Variants in PLEC observed in about 807,000 individuals in gnomAD.
PLEC encodes the protein hemidesmosomal protein 1.
In PLEC, 216 loss-of-function variants were observed where a neutral mutation model predicts 392.8. That is an observed-to-expected ratio of 0.55 (90% CI 0.49 to 0.62). The LOEUF (loss-of-function observed/expected upper bound fraction) is 0.62, where lower values mean the gene tolerates loss of function less well. Ranked by LOEUF, PLEC falls within the 20% of genes least tolerant of loss-of-function variation. PLEC has a pLI of 0.00. For synonymous variants in PLEC, 3,621 were observed against 2,980.6 expected (o/e 1.21, Z -7.00); for missense variants, 6,863 against 6,563.4 (o/e 1.05, Z -1.58).
rs782249405 is a variant in PLEC, at chr8:143,932,543, G to A, written c.1834C>T (p.Leu612Phe). Residue 612 changes from leucine (L) to phenylalanine (F), a missense_variant, in exon 16 of 32, where the codon CTC becomes TTC. By Grantham distance (22) the Leu-to-Phe change is conservative (BLOSUM62 0). Transcript: ENST00000345136. ...AKLLNSSKAR[L>F]RSLESLHSFV... ...CTGTGCAAGCTCTCCAGGGACCTGA[G>A]GCGGGCCTTGGAGGAGTTCTGTGGG... 1.8e-5 allele frequency: 29 copies of A among 1,612,456 alleles called. No individual in the cohort carries two copies. The highest frequency in any genetic ancestry group is 2.2e-5 in the Non-Finnish European group (26 of 1,179,946).
At chr8:143,937,550 C>T (rs374185732) in intron 3 of PLEC, 51 of 502,442 alleles carry the variant, frequency 1.0e-4, no homozygotes, top group South Asian at 5.3e-4. Context: ...TCCTGCCTGG[C>T]GGTGGCAGCC....
chr8:143,927,154 A>G, intron 28 of PLEC, 73 bp from the exon 29 acceptor site: 1 of 1,551,632 alleles, frequency 6.4e-7, no homozygotes, highest in Non-Finnish European at 8.9e-7. Flanking sequence ...AAACCCTCAC[A>G]TGGGCTTTCC....
upstream of PLEC, among the ~76,000 whole-genome samples, chr8:143,941,750 C>T (rs1028922413): frequency 4.9e-5 from 7 of 141,848 alleles, no homozygotes; most frequent in African/African-American, 1.3e-4. Context: ...AGCCAGGCTA[C>T]ACCCACCCTC....
chr8:143,918,927 T>C lies in PLEC; in HGVS notation c.10894A>G (p.Ile3632Val). Residue 3632 changes from isoleucine to valine, a missense_variant, in exon 32 of 32, where the codon ATC (isoleucine) becomes GTC (valine). Coordinates refer to ENST00000345136, the MANE Select transcript of PLEC (RefSeq NM_201384.3). ...TAGGAGGCCAGACCCTGCTGGCGGA[T>C]GATCTCTGTCTTCTCAATGATCTCG... ...IIEIIEKTEI[I>V]RQQGLASYDY... 2 of 1,610,968 alleles carry C rather than the reference T, an allele frequency of 1.2e-6. No individual in the cohort carries two copies. Among genetic ancestry groups the C allele is most frequent in the Non-Finnish European group, 1.7e-6 (2 of 1,180,010 alleles).
chr8:143,942,140 G>T (rs1251054250), upstream of PLEC, among the ~76,000 whole-genome samples: 1 of 151,706 alleles, frequency 6.6e-6, no homozygotes, highest in Non-Finnish European at 1.5e-5. Context: ...TGGAACAGCC[G>T]GGGGTGGGCC....
Position 143,921,182 on chromosome 8 carries a change from C to A in PLEC, c.8639G>T (p.Cys2880Phe), listed in dbSNP as rs782789906. The change falls in exon 32 of 32, where the codon TGC becomes TTC. Residue 2880 changes from cysteine to phenylalanine, a missense_variant. Cys to Phe is a radical substitution (Grantham distance 205, BLOSUM62 -2). Coordinates refer to ENST00000345136, the MANE Select transcript of PLEC (RefSeq NM_201384.3). Reference protein sequence around the residue: ...RCVEDPETGLCLLPLTDKAAK... With the variant: ...RCVEDPETGLFLLPLTDKAAK... ...AGCCTTATCCGTGAGTGGCAGAAGGCACAGGCCCGTCTCGGGGTCCTCCAC... is the reference window on the plus strand; with the variant it reads ...AGCCTTATCCGTGAGTGGCAGAAGGAACAGGCCCGTCTCGGGGTCCTCCAC... 6.2e-7 allele frequency: 1 copy of A among 1,613,956 alleles called. No individual in the cohort carries two copies.
chr8:143,957,130 G>A (rs999053057), upstream of PLEC, among the ~76,000 whole-genome samples: 2 of 152,180 alleles, frequency 1.3e-5, no homozygotes, highest in African/African-American at 4.8e-5. Flanking sequence ...GTCCCAGGCT[G>A]GCAGCGAAGG....
intron 1 of PLEC, among the ~76,000 whole-genome samples, chr8:143,946,886 T>G (rs1554732612): frequency 6.6e-6 from 1 of 151,578 alleles, no homozygotes; most frequent in Non-Finnish European, 1.5e-5. Context: ...CCAAAGGTGG[T>G]CTCTTCCTCC....
At position 143,926,799 on chromosome 8, in the gene PLEC, G is replaced by T. The variant is rs367868502; in HGVS notation, c.4029C>A (p.Arg1343=). ...YIKFISETLR[R]MEEEERLAEQ... ...CGGGCTGTACCTCCTCCTCCTCCAT[G>T]CGCCGCAGAGTCTCGCTGATGAACT... The change falls in exon 30 of 32, where the codon CGC becomes CGA. Residue 1343 remains arginine (R), a synonymous_variant. Coordinates refer to ENST00000345136, the MANE Select transcript of PLEC (RefSeq NM_201384.3). 5.6e-6 allele frequency: 9 copies of T among 1,613,486 alleles called. No individual in the cohort carries two copies. Among genetic ancestry groups the T allele is most frequent in the Middle Eastern group, 3.3e-4 (2 of 6,080 alleles).
upstream of PLEC, among the ~76,000 whole-genome samples, chr8:143,974,562 C>T (rs376576778): frequency 6.6e-6 from 1 of 152,358 alleles, no homozygotes; most frequent in East Asian, 1.9e-4. The surrounding 1 kb of genome is among the most constrained non-coding windows in gnomAD (Gnocchi z 5.9). Context: ...GGCCTTGCAG[C>T]CCTCTCCTGG....
chr8:143,936,751 C>T (rs1554723653), intron 5 of PLEC, among the ~76,000 whole-genome samples: 1 of 152,206 alleles, frequency 6.6e-6, no homozygotes, highest in East Asian at 1.9e-4. Flanking sequence ...CAGCCAGGGC[C>T]AGAGGGCACG....
rs201624086 is a variant in PLEC, at chr8:143,924,134, G to A, written c.5795C>T (p.Ala1932Val). 47 of 1,598,740 alleles carry A rather than the reference G, an allele frequency of 2.9e-5. No individual in the cohort carries two copies. The highest frequency in any genetic ancestry group is 8.9e-5 in the East Asian group (4 of 44,792). Reference sequence around the variant, plus strand: ...GCCAGCGGCCGCCTTCTCGAAGCTCGCCTTCAGCGCCAGGATCTCCTCCTC... The same window carrying A: ...GCCAGCGGCCGCCTTCTCGAAGCTCACCTTCAGCGCCAGGATCTCCTCCTC... ...QVEEEILALK[A>V]SFEKAAAGKA... The change falls in exon 31 of 32, where the codon GCG becomes GTG. Residue 1932 changes from alanine (A) to valine (V), a missense_variant. Transcript: ENST00000345136.
upstream of PLEC, among the ~76,000 whole-genome samples, chr8:143,975,684 A>T (rs1254952994): frequency 2.0e-5 from 3 of 150,460 alleles, no homozygotes; most frequent in Non-Finnish European, 4.4e-5. The surrounding 1 kb of genome is among the most constrained non-coding windows in gnomAD (Gnocchi z 9.9). Context: ...CAGGACACTG[A>T]CCACCCTGGC....
chr8:143,934,441 G>T lies in PLEC; in HGVS notation c.1046C>A (p.Ala349Glu). 2 of 1,611,092 alleles carry T rather than the reference G, an allele frequency of 1.2e-6. No homozygotes were observed. Among genetic ancestry groups the T allele is most frequent in the African/African-American group, 1.3e-5 (1 of 75,052 alleles). The part of the protein sequence containing the change: ...SKGIYQSLEG[A>E]VQAGQLKVPP... ...CACCTTGAGCTGGCCTGCTTGCACCGCTCCCTGTAGACAGGGGCCACACTC... is the reference window on the plus strand; with the variant it reads ...CACCTTGAGCTGGCCTGCTTGCACCTCTCCCTGTAGACAGGGGCCACACTC... Residue 349 changes from alanine (A) to glutamate (E), a missense_variant, in exon 11 of 32, where the codon GCG (alanine) becomes GAG (glutamate). By Grantham distance (107) the Ala-to-Glu change is moderately radical. Coordinates refer to ENST00000345136, the MANE Select transcript of PLEC (RefSeq NM_201384.3).
At position 143,920,094 on chromosome 8, in the gene PLEC, C is replaced by A; in HGVS notation, c.9727G>T (p.Val3243Leu). 6.2e-7 allele frequency: 1 copy of A among 1,613,174 alleles called. No homozygotes were observed. The highest frequency in any genetic ancestry group is 8.5e-7 in the Non-Finnish European group (1 of 1,180,034). Reference sequence around the variant, plus strand: ...ACCGTCCTGCCCTTGAAGCCACCCACGGGGACCTCAACCGGGGTCTTTTCA... The same window carrying A: ...ACCGTCCTGCCCTTGAAGCCACCCAAGGGGACCTCAACCGGGGTCTTTTCA... ...TFEKTPVEVP[V>L]GGFKGRTVTV... The change falls in exon 32 of 32, where the codon GTG becomes TTG. Residue 3243 changes from valine to leucine, a missense_variant. Coordinates refer to ENST00000345136, the MANE Select transcript of PLEC (RefSeq NM_201384.3).
chr8:143,949,991 A>G (rs1182483110), intron 1 of PLEC, among the ~76,000 whole-genome samples: 1 of 152,120 alleles, frequency 6.6e-6, no homozygotes, highest in African/African-American at 2.4e-5. Flanking sequence ...CCAGCCGAGG[A>G]GGAGGGGCCA....
Position 143,920,795 on chromosome 8 carries a change from T to G in PLEC, c.9026A>C (p.Asp3009Ala), listed in dbSNP as rs1822363826. Residue 3009 changes from aspartate (D) to alanine (A), a missense_variant, in exon 32 of 32, where the codon GAC becomes GCC. Physicochemically the swap from Asp to Ala is moderately radical, Grantham distance 126. Coordinates refer to ENST00000345136, the MANE Select transcript of PLEC (RefSeq NM_201384.3). The stretch of plus-strand genomic sequence containing the variant: ...CCGCACAGTGTCCACCTCGGCTACG[T>G]CTCGCACAGAGCGCTCACCTCGCTG... ...QLQRGERSVR[D>A]VAEVDTVRRA... 1 of 1,607,544 alleles carries G rather than the reference T, an allele frequency of 6.2e-7. No homozygotes were observed. The highest frequency in any genetic ancestry group is 1.1e-5 in the South Asian group (1 of 91,084).
upstream of PLEC, among the ~76,000 whole-genome samples, chr8:143,941,566 G>C (rs906092414): frequency 6.6e-6 from 1 of 151,972 alleles, no homozygotes; most frequent in African/African-American, 2.4e-5. Context: ...CTCGGTCAGG[G>C]GCCTCCACCT....
Position 143,930,151 on chromosome 8 carries a change from CGGCCTCCTG to C in PLEC, c.2596_2604del (p.Gln866_Ala868del), listed in dbSNP as rs786205252. 4.4e-6 allele frequency: 7 copies of C among 1,583,604 alleles called. No homozygotes were observed. The highest frequency in any genetic ancestry group is 2.3e-5 in the East Asian group (1 of 43,946). On this transcript the variant is annotated inframe_deletion, in exon 21 of 32. Coordinates refer to ENST00000345136, the MANE Select transcript of PLEC (RefSeq NM_201384.3). ...TGAGCCCCCGCCACCCACCTGGTGA[CGGCCTCCTG>C]GGCCTCCTGGTTGGGCGGGGGCACC...
Sources: gnomAD v4.1 joint callset for allele counts (sites outside exome capture counted in the v4.1 genomes callset) on GRCh38, gnomAD v4.1.1 for gene constraint, Gnocchi (gnomAD v3.1) non-coding constraint, MANE v1.5 for transcripts, NCBI Gene and HGNC (gene_info 2026-07-23, HGNC 2026-07-21) for gene names.